Variants in SLIT2 observed in about 807,000 individuals in gnomAD.
SLIT2 encodes slit guidance ligand 2.
In SLIT2, 41 loss-of-function variants were observed where a neutral mutation model predicts 185.7. The observed-to-expected ratio is 0.22, with a 90% confidence interval of 0.17 to 0.29. The LOEUF is 0.29. SLIT2 is among the 10% of genes least tolerant of loss of function. SLIT2 has a pLI of 1.00. For synonymous variants in SLIT2, 693 were observed against 680.2 expected (o/e 1.02, Z -0.29); for missense variants, 1,571 against 1,909.0 (o/e 0.82, Z 3.30).
intron 4 of SLIT2, among the ~76,000 whole-genome samples, chr4:20,296,001 A>G (rs1437108951): frequency 6.6e-6 from 1 of 152,256 alleles, no homozygotes. Flanking sequence ...ATTCAATCCA[A>G]GAAAATGTCT....
chr4:20,569,043 A>G, intron 29 of SLIT2, 39 bp downstream of exon 29: 1 of 1,561,912 alleles, frequency 6.4e-7, no homozygotes, highest in Non-Finnish European at 8.8e-7. Flanking sequence ...CCATCAGTAT[A>G]TCTGTTTGAA....
At position 20,578,342 on chromosome 4, in the gene SLIT2, A is replaced by G. The variant is rs529512532; in HGVS notation, c.3088+9338A>G. On this transcript the variant is annotated intron_variant, in intron 29 of 36. Coordinates refer to ENST00000504154, the MANE Select transcript of SLIT2 (RefSeq NM_004787.4). ...TTTATCTATTAGGTTGCTTATTTTG[A>G]TATCTTCCCTTGCTGAGTTAATTCA... 1.2e-3 allele frequency among the ~76,000 whole-genome samples: 177 copies of G among 152,308 alleles called. 1 individual carries two copies. Among genetic ancestry groups the G allele is most frequent in the African/African-American group, 4.0e-3 (166 of 41,578 alleles).
At chr4:20,548,596 T>C (rs1293253206) in intron 23 of SLIT2, 37 bp downstream of exon 23, 2 of 1,237,794 alleles carry the variant, frequency 1.6e-6, no homozygotes, top group Admixed American at 3.4e-5. Flanking sequence ...ATTCATTAAT[T>C]CAATGGACAA....
intron 4 of SLIT2, among the ~76,000 whole-genome samples, chr4:20,448,898 A>G (rs1176220211): frequency 6.6e-6 from 1 of 152,124 alleles, no homozygotes; most frequent in Non-Finnish European, 1.5e-5. Context: ...AGACTCCCAA[A>G]GGGCTGGGAT....
intron 4 of SLIT2, among the ~76,000 whole-genome samples, chr4:20,285,505 C>T (rs1715176729): frequency 6.6e-6 from 1 of 152,176 alleles, no homozygotes; most frequent in African/African-American, 2.4e-5. Context: ...TGTATTGCAG[C>T]AGGCAGGCTG....
intron 18 of SLIT2, among the ~76,000 whole-genome samples, chr4:20,538,638 A>G (rs1008795780): frequency 2.6e-5 from 4 of 152,184 alleles, no homozygotes; most frequent in Non-Finnish European, 5.9e-5. Context: ...TATACTCATA[A>G]CTATTTTCAC....
chr4:20,520,842 A>G (rs1053406081), intron 12 of SLIT2, among the ~76,000 whole-genome samples: 3 of 152,206 alleles, frequency 2.0e-5, no homozygotes, highest in African/African-American at 7.2e-5. Context: ...TTATTTTACA[A>G]TAGACCAATG....
At chr4:20,402,284 C>T (rs1379659661) in intron 4 of SLIT2, among the ~76,000 whole-genome samples, 1 of 151,756 alleles carries the variant, frequency 6.6e-6, no homozygotes, top group Non-Finnish European at 1.5e-5. Context: ...TTTCAGTGCA[C>T]CTAAGAAAAT....
In SLIT2 at chr4:20,491,767, A is replaced by T; in HGVS notation, c.782A>T (p.Gln261Leu). 1 of 1,610,368 alleles carries T rather than the reference A, an allele frequency of 6.2e-7. No individual in the cohort carries two copies. The highest frequency in any genetic ancestry group is 8.5e-7 in the Non-Finnish European group (1 of 1,178,586). The change falls in exon 9 of 37, where the codon CAG (glutamine) becomes CTG (leucine). Residue 261 changes from glutamine to leucine, a missense_variant. Gln to Leu is a moderately radical substitution (Grantham distance 113). Transcript: ENST00000504154. Reference protein sequence around the residue: ...QKREFVCSGHQSFMAPSCSVL... With the variant: ...QKREFVCSGHLSFMAPSCSVL... ...CTGTTTATTTCTTTTTTAGGTCACCAGTCATTTATGGCTCCTTCTTGTAGT... is the reference window on the plus strand; with the variant it reads ...CTGTTTATTTCTTTTTTAGGTCACCTGTCATTTATGGCTCCTTCTTGTAGT...
At chr4:20,598,716 C>T (rs1264072118) in intron 33 of SLIT2, among the ~76,000 whole-genome samples, 1 of 152,142 alleles carries the variant, frequency 6.6e-6, no homozygotes, top group Non-Finnish European at 1.5e-5. Flanking sequence ...TATGGAAACT[C>T]ATGCTCTGTA....
In SLIT2 at chr4:20,282,736, T is replaced by C. The variant is rs144146374; in HGVS notation, c.395+13855T>C. Among the ~76,000 whole-genome samples the C allele has an allele frequency of 3.9e-3, 594 of 152,344 alleles. 9 individuals carry two copies. Among genetic ancestry groups the C allele is most frequent in the African/African-American group, 0.014 (569 of 41,582 alleles). ...AATTTGTTTTTCAAAGTTATTTAAC[T>C]ATAGAGGCCTCTCTTCTTTCTTAAC... On this transcript the variant is annotated intron_variant, in intron 4 of 36. Transcript: ENST00000504154.
chr4:20,447,561 G>A (rs1486265718), intron 4 of SLIT2, among the ~76,000 whole-genome samples: 1 of 152,152 alleles, frequency 6.6e-6, no homozygotes, highest in African/African-American at 2.4e-5. Context: ...AAAGTAAGAA[G>A]TTATCACAGG....
chr4:20,598,939 G>C (rs1409622590), intron 33 of SLIT2, among the ~76,000 whole-genome samples: 1 of 152,110 alleles, frequency 6.6e-6, no homozygotes, highest in Non-Finnish European at 1.5e-5. Flanking sequence ...TGAGCTTCCT[G>C]GGGCTCAGAG....
At chr4:20,290,371 A>G (rs1292263451) in intron 4 of SLIT2, among the ~76,000 whole-genome samples, 2 of 152,204 alleles carry the variant, frequency 1.3e-5, no homozygotes, top group African/African-American at 4.8e-5. Context: ...ACCAAAAACT[A>G]TACAGTATAA....
In SLIT2 at chr4:20,277,762, A is replaced by AATAT. The variant is rs775329689; in HGVS notation, c.395+8893_395+8896dup. ...ATCATGATGTAGCTATATCCAAATT[A>AATAT]ATATATATATATATACACACACAAA... On this transcript the variant is annotated intron_variant, in intron 4 of 36. Coordinates refer to ENST00000504154, the MANE Select transcript of SLIT2 (RefSeq NM_004787.4). Among the ~76,000 whole-genome samples, 9 of 146,872 alleles carry AATAT rather than the reference A, an allele frequency of 6.1e-5. No individual in the cohort carries two copies. In the South Asian group the frequency reaches 1.3e-3, roughly 21 times the overall value.
At chr4:20,405,671 C>G (rs561691216) in intron 4 of SLIT2, among the ~76,000 whole-genome samples, 1 of 151,732 alleles carries the variant, frequency 6.6e-6, no homozygotes, top group Admixed American at 6.6e-5. Flanking sequence ...CCATGGTGGC[C>G]ATAATGAAGC....
At position 20,529,059 on chromosome 4, in the gene SLIT2, A is replaced by G; in HGVS notation, c.1573A>G (p.Asn525Asp). ...TTVDCSNQKL[N>D]KIPEHIPQYT... ...AGTAGATTGCTCTAATCAAAAGCTCAACAAAATCCCGGAGCACATTCCCCA... is the reference window on the plus strand; with the variant it reads ...AGTAGATTGCTCTAATCAAAAGCTCGACAAAATCCCGGAGCACATTCCCCA... Residue 525 changes from asparagine (N) to aspartate (D), a missense_variant, in exon 16 of 37, where the codon AAC becomes GAC. Transcript: ENST00000504154. The G allele has an allele frequency of 6.2e-7, 1 of 1,613,834 alleles. No individual in the cohort carries two copies. The highest frequency in any genetic ancestry group is 8.5e-7 in the Non-Finnish European group (1 of 1,179,806).
At chr4:20,336,537 TG>T (rs1442696821) in intron 4 of SLIT2, among the ~76,000 whole-genome samples, 1 of 152,002 alleles carries the variant, frequency 6.6e-6, no homozygotes, top group Non-Finnish European at 1.5e-5. Context: ...CTCATGGAGT[TG>T]GGGGAGGGGA....
chr4:20,285,746 C>T (rs1254434653), intron 4 of SLIT2, among the ~76,000 whole-genome samples: 2 of 152,160 alleles, frequency 1.3e-5, no homozygotes, highest in Non-Finnish European at 2.9e-5. Context: ...TGGTGTTTCA[C>T]CATATTGCCC....
Sources: allele counts gnomAD v4.1 joint callset (sites outside exome capture counted in the v4.1 genomes callset), GRCh38; gene constraint gnomAD v4.1.1; transcripts MANE v1.5; gene names NCBI Gene and HGNC (gene_info 2026-07-23, HGNC 2026-07-21).